Variants in WNK3 observed in about 807,000 individuals in gnomAD.
WNK3 encodes WNK lysine deficient protein kinase 3, also known as serine/threonine-protein kinase WNK3.
A neutral mutation model predicts 116.7 loss-of-function variants in WNK3; 18 were observed. The observed-to-expected ratio is 0.15, with a 90% CI of 0.11 to 0.23. The LOEUF is 0.23. WNK3 is among the 10% of genes least tolerant of loss of function. The pLI is 1.00. For missense variants in WNK3, 993 were observed against 1,323.8 expected (o/e 0.75, Z 3.88); for synonymous variants, 404 against 469.4 (o/e 0.86, Z 1.80).
intron 22 of WNK3, among the ~76,000 whole-genome samples, chrX:54,216,928 A>G (rs2067702647): frequency 8.9e-6 from 1 of 112,160 alleles, no homozygotes; most frequent in Non-Finnish European, 1.9e-5. Context: ...GTAATCCCAG[A>G]ACTTTGGGAG....
intron 17 of WNK3, among the ~76,000 whole-genome samples, chrX:54,241,803 A>T (rs988958206): frequency 9.1e-6 from 1 of 109,853 alleles, no homozygotes; most frequent in African/African-American, 3.3e-5. Flanking sequence ...AAAATATAAA[A>T]ATTAGCTAGG....
intron 1 of WNK3, among the ~76,000 whole-genome samples, chrX:54,354,241 T>A (rs1245043164): frequency 1.7e-4 from 19 of 112,121 alleles, no homozygotes; most frequent in African/African-American, 5.8e-4. Context: ...TTTAAAGCTT[T>A]AAAATTTCTG....
At chrX:54,316,528 A>C (rs1165623210) in intron 2 of WNK3, among the ~76,000 whole-genome samples, 1 of 96,605 alleles carries the variant, frequency 1.0e-5, no homozygotes, top group Non-Finnish European at 2.1e-5. Flanking sequence ...CAATAGAGCG[A>C]GACTCCATCT....
chrX:54,252,607 T>A (rs782630107), intron 13 of WNK3, among the ~76,000 whole-genome samples: 1 of 106,052 alleles, frequency 9.4e-6, no homozygotes, highest in Non-Finnish European at 1.9e-5. Flanking sequence ...GAGGCGGAGG[T>A]TGCAGTGAGC....
At chrX:54,317,883 C>T (rs1387391537) in intron 2 of WNK3, among the ~76,000 whole-genome samples, 6 of 109,247 alleles carry the variant, frequency 5.5e-5, no homozygotes, top group East Asian at 3.0e-4. Context: ...CCACCTGCCT[C>T]GGCCTCCCAA....
chrX:54,322,647 G>A, intron 2 of WNK3, among the ~76,000 whole-genome samples: 1 of 111,788 alleles, frequency 8.9e-6, no homozygotes, highest in Non-Finnish European at 1.9e-5. Context: ...ATAATTGATG[G>A]AATACAAATC....
intron 1 of WNK3, among the ~76,000 whole-genome samples, chrX:54,350,343 G>C (rs1237207479): frequency 9.2e-6 from 1 of 109,235 alleles, no homozygotes; most frequent in Non-Finnish European, 1.9e-5. Context: ...CCACGAGGTG[G>C]AGCTTGCAGT....
At chrX:54,250,624 C>T (rs2068118739) in intron 15 of WNK3, among the ~76,000 whole-genome samples, 1 of 111,755 alleles carries the variant, frequency 8.9e-6, no homozygotes, top group African/African-American at 3.2e-5. Context: ...TTAAACTCTA[C>T]CCAACTTTGT....
At position 54,334,301 on chromosome X, in the gene WNK3, A is replaced by T. The variant is rs189400032; in HGVS notation, c.-119-509T>A. On this transcript the variant is annotated intron_variant, in intron 1 of 23. Transcript: ENST00000354646. ...AGTACATTCACAGTGTTGTGCAATC[A>T]TCACTACTATCCATGCCCAGAGCTT... Among the ~76,000 whole-genome samples the T allele has an allele frequency of 5.1e-3, 566 of 112,061 alleles. 1 individual carries two copies. The highest frequency in any genetic ancestry group is 0.019 in the Middle Eastern group (4 of 215).
At chrX:54,239,188 G>T in intron 17 of WNK3, 89 bp from the exon 18 acceptor site, 1 of 538,108 alleles carries the variant, frequency 1.9e-6, no homozygotes, top group Non-Finnish European at 2.6e-6. Flanking sequence ...AATAATTTAG[G>T]TAAGGTGAAG....
intron 8 of WNK3, 92 bp from the exon 9 acceptor site, chrX:54,293,419 T>G: frequency 3.1e-6 from 2 of 654,490 alleles, no homozygotes; most frequent in Non-Finnish European, 4.4e-6. Flanking sequence ...CTTTAATGGC[T>G]TTTTTACTCT....
chrX:54,202,070 G>C lies in WNK3; in HGVS notation c.4994C>G (p.Ser1665Cys), dbSNP rs142607795. The change falls in exon 23 of 24, where the codon TCT (serine) becomes TGT (cysteine). Residue 1665 changes from serine (S) to cysteine (C), a missense_variant. Physicochemically the swap from Ser to Cys is moderately radical, Grantham distance 112. Transcript: ENST00000354646. ...TTGGTTTAAACTTGGCTTAATAAGA[G>C]AATTTCCTACTGCTTCCTTTGTCCA... The C allele has an allele frequency of 5.0e-6, 6 of 1,209,630 alleles. No individual in the cohort carries two copies. The African/African-American group carries it at 1.0e-4, about 21-fold the overall frequency.
chrX:54,319,211 G>A (rs1557171642), intron 2 of WNK3, among the ~76,000 whole-genome samples: 1 of 110,995 alleles, frequency 9.0e-6, no homozygotes, highest in African/African-American at 3.3e-5. Context: ...CACTCAGGCT[G>A]GAGTGCAGTG....
chrX:54,341,163 G>A (rs1425249638), intron 1 of WNK3, among the ~76,000 whole-genome samples: 1 of 111,394 alleles, frequency 9.0e-6, no homozygotes, highest in African/African-American at 3.3e-5. Context: ...TTGGGAAGCC[G>A]AGGTAGGTGA....
intron 10 of WNK3, among the ~76,000 whole-genome samples, chrX:54,274,123 G>C (rs782790844): frequency 7.4e-4 from 82 of 110,337 alleles, no homozygotes; most frequent in Non-Finnish European, 1.3e-3. Context: ...CTAAAACTTA[G>C]AAAAAAAAGA....
At chrX:54,326,451 C>G (rs1448530105) in intron 2 of WNK3, among the ~76,000 whole-genome samples, 2 of 110,485 alleles carry the variant, frequency 1.8e-5, no homozygotes, top group Admixed American at 1.9e-4. Context: ...TGCCTGTAAT[C>G]CCAGTGTTTT....
In WNK3 at chrX:54,276,356, A is replaced by C. The variant is rs190192403; in HGVS notation, c.2037+16532T>G. 8.7e-3 allele frequency among the ~76,000 whole-genome samples: 969 copies of C among 111,008 alleles called. 7 individuals carry two copies. The highest frequency in any genetic ancestry group is 0.012 in the Non-Finnish European group (622 of 53,021). ...TCTCAAAAACAAACAAACAAACAAA[A>C]AAAAACAAATTACTGCGTTAAAAGG... On this transcript the variant is annotated intron_variant, in intron 10 of 23. Coordinates refer to ENST00000354646, the Ensembl canonical transcript of WNK3.
At chrX:54,358,235 G>T (rs1182558482), upstream of WNK3, among the ~76,000 whole-genome samples, 1 of 111,315 alleles carries the variant, frequency 9.0e-6, no homozygotes, top group Admixed American at 9.5e-5. Flanking sequence ...GATGCGCGTC[G>T]AGGAGAAAGG....
chrX:54,327,806 A>G (rs2069123449), intron 2 of WNK3, among the ~76,000 whole-genome samples: 1 of 110,117 alleles, frequency 9.1e-6, no homozygotes, highest in African/African-American at 3.3e-5. Context: ...CGTCTCTACA[A>G]AAAATACAAA....
Sources: allele counts gnomAD v4.1 joint callset (sites outside exome capture counted in the v4.1 genomes callset), GRCh38; gene constraint gnomAD v4.1.1; transcripts MANE v1.5; gene names NCBI Gene and HGNC (gene_info 2026-07-23, HGNC 2026-07-21).